RANBP2: variants seen among roughly 807,000 people sequenced by gnomAD.
RANBP2 encodes E3 SUMO-protein ligase RanBP2.
Under a neutral mutation model 303.6 loss-of-function variants are expected in RANBP2, and 57 were observed. That is an observed-to-expected ratio of 0.19 (90% CI 0.15 to 0.23). RANBP2 has a LOEUF of 0.23. Ranked by LOEUF, RANBP2 falls within the 10% of genes least tolerant of loss-of-function variation. The pLI, the probability that RANBP2 is intolerant of heterozygous loss-of-function variation, is 1.00. For missense variants in RANBP2, 3,138 were observed against 3,780.8 expected, an observed-to-expected ratio of 0.83 and a Z score of 4.46; for synonymous variants, 1,167 against 1,301.5, an observed-to-expected ratio of 0.90 and a Z score of 2.23.
At chr2:109,355,980 T>C in the RANBP2 span, among the ~76,000 whole-genome samples, 1 of 151,972 alleles carries the variant, frequency 6.6e-6, no homozygotes, top group African/African-American at 2.4e-5. Flanking sequence ...GCATTGGGGG[T>C]GGAGAATCAT....
At chr2:109,094,913 A>C in the RANBP2 span, among the ~76,000 whole-genome samples, 1 of 152,224 alleles carries the variant, frequency 6.6e-6, no homozygotes, top group Non-Finnish European at 1.5e-5. Context: ...TTGTCAGAAA[A>C]ATAGAAATTT....
the RANBP2 span, among the ~76,000 whole-genome samples, chr2:108,860,513 GTT>G: frequency 1.4e-5 from 2 of 142,094 alleles, no homozygotes; most frequent in Non-Finnish European, 1.6e-5. Flanking sequence ...GGTTGTTGAG[GTT>G]TTTTTTTTTT....
chr2:109,048,051 C>T, the RANBP2 span, among the ~76,000 whole-genome samples: 1 of 152,220 alleles, frequency 6.6e-6, no homozygotes, highest in Non-Finnish European at 1.5e-5. Context: ...TCATCCCAAT[C>T]AGCTGTTAAT....
chr2:109,625,104 A>G, the RANBP2 span, among the ~76,000 whole-genome samples: 10 of 150,026 alleles, frequency 6.7e-5, no homozygotes, highest in African/African-American at 1.2e-4. Context: ...AAAAAAAAAA[A>G]AAAGAAAAGA....
At chr2:109,202,507 C>T in the RANBP2 span, among the ~76,000 whole-genome samples, 13 of 152,336 alleles carry the variant, frequency 8.5e-5, no homozygotes, top group African/African-American at 3.1e-4. Flanking sequence ...CCTCACATGT[C>T]TGGGTAGCTG....
chr2:109,117,676 G>A, the RANBP2 span, among the ~76,000 whole-genome samples: 2 of 152,228 alleles, frequency 1.3e-5, no homozygotes, highest in Non-Finnish European at 2.9e-5. Flanking sequence ...TCCCTAGTGA[G>A]ATGAACCCGG....
the RANBP2 span, among the ~76,000 whole-genome samples, chr2:109,137,775 T>TA: frequency 1.3e-5 from 2 of 152,358 alleles, no homozygotes; most frequent in Non-Finnish European, 2.9e-5. Flanking sequence ...GTTTTTGCGT[T>TA]CAAAGACTAA....
the RANBP2 span, among the ~76,000 whole-genome samples, chr2:109,338,645 C>T: frequency 6.6e-6 from 1 of 152,122 alleles, no homozygotes; most frequent in Admixed American, 6.5e-5. Flanking sequence ...GCAACCTCTG[C>T]CTCCCGAGTT....
chr2:109,598,311 G>A, the RANBP2 span, among the ~76,000 whole-genome samples: 3 of 151,972 alleles, frequency 2.0e-5, no homozygotes, highest in Non-Finnish European at 2.9e-5. Flanking sequence ...CAGGTGATCC[G>A]CCCACCTCAG....
chr2:109,086,562 G>A, the RANBP2 span, among the ~76,000 whole-genome samples: 1 of 152,182 alleles, frequency 6.6e-6, no homozygotes, highest in East Asian at 1.9e-4. Flanking sequence ...CCAGTCTTGG[G>A]TGTGTCAGAC....
chr2:109,044,013 C>T, the RANBP2 span, among the ~76,000 whole-genome samples: 1 of 151,918 alleles, frequency 6.6e-6, no homozygotes, highest in Admixed American at 6.6e-5. Context: ...GGGCAGGATC[C>T]CCACACAACA....
At chr2:109,259,629 G>T in the RANBP2 span, among the ~76,000 whole-genome samples, 1 of 152,238 alleles carries the variant, frequency 6.6e-6, no homozygotes, top group African/African-American at 2.4e-5. Flanking sequence ...AGAAGTTGGT[G>T]ACAGGGAGAC....
At chr2:109,120,072 G>C in the RANBP2 span, among the ~76,000 whole-genome samples, 3 of 152,230 alleles carry the variant, frequency 2.0e-5, no homozygotes, top group African/African-American at 7.2e-5. Flanking sequence ...AATTGTCCAA[G>C]AACTATGCAG....
chr2:109,683,164 C>T, the RANBP2 span, among the ~76,000 whole-genome samples: 1 of 152,234 alleles, frequency 6.6e-6, no homozygotes, highest in African/African-American at 2.4e-5. Context: ...TGCCACCAGG[C>T]CCAGCTAATT....
the RANBP2 span, among the ~76,000 whole-genome samples, chr2:109,515,949 G>A: frequency 1.3e-5 from 2 of 152,192 alleles, no homozygotes; most frequent in African/African-American, 4.8e-5. Context: ...TCCAGCACTA[G>A]GGATTGCATT....
At position 108,754,915 on chromosome 2, in the gene RANBP2, C is replaced by G. The variant is rs369337384; in HGVS notation, c.2213C>G (p.Pro738Arg). The G allele has an allele frequency of 2.5e-6, 4 of 1,611,412 alleles. No individual in the cohort carries two copies. The highest frequency in any genetic ancestry group is 3.4e-6 in the Non-Finnish European group (4 of 1,179,762). Reference sequence around the variant, plus strand: ...GTCTTTTATTTTTAGTTGCCTGTGCCCCTGGAGTCTGTAAAAGAGATGCTT... The same window carrying G: ...GTCTTTTATTTTTAGTTGCCTGTGCGCCTGGAGTCTGTAAAAGAGATGCTT... Reference protein sequence around the residue: ...NLSVVKKLPVPLESVKEMLNS... With the variant: ...NLSVVKKLPVRLESVKEMLNS... The change falls in exon 16 of 29, where the codon CCC becomes CGC. Residue 738 changes from proline to arginine, a missense_variant. By Grantham distance (103) the Pro-to-Arg change is moderately radical. This residue lies in a region of RANBP2 where 194 missense variants were observed against 197.4 expected (regional missense o/e 0.98). Transcript: ENST00000283195.
At chr2:109,498,304 G>T in the RANBP2 span, among the ~76,000 whole-genome samples, 2 of 152,150 alleles carry the variant, frequency 1.3e-5, no homozygotes, top group East Asian at 3.9e-4. Context: ...GGCCTGTTCT[G>T]CTTCCCCAGG....
At chr2:109,503,476 CAAA>C in the RANBP2 span, 2 of 152,108 alleles carry the variant, frequency 1.3e-5, no homozygotes, top group Non-Finnish European at 2.9e-5. Context: ...TTAATAGACT[CAAA>C]GAAGTTGTTC....
At chr2:109,004,072 G>A in the RANBP2 span, among the ~76,000 whole-genome samples, 1 of 152,298 alleles carries the variant, frequency 6.6e-6, no homozygotes, top group Admixed American at 6.5e-5. Context: ...TCTCTATTTT[G>A]TGTATTCTGA....
Sources: allele counts gnomAD v4.1 joint callset (sites outside exome capture counted in the v4.1 genomes callset), GRCh38; gene constraint gnomAD v4.1.1; regional missense constraint gnomAD v4.1.1; transcripts MANE v1.5; gene names NCBI Gene and HGNC (gene_info 2026-07-23, HGNC 2026-07-21).